MAPT: variants seen among roughly 807,000 people sequenced by gnomAD.
MAPT encodes microtubule-associated protein tau.
MAPT carries 34 observed loss-of-function variants against 67.9 expected under a neutral mutation model. The observed-to-expected ratio is 0.50, with a 90% confidence interval of 0.38 to 0.67. The LOEUF (loss-of-function observed/expected upper bound fraction) is 0.67, where lower values mean the gene tolerates loss of function less well. Ranked by LOEUF, MAPT falls within the 30% of genes least tolerant of loss-of-function variation. The probability of loss-of-function intolerance (pLI) is 0.00; values close to 1 mark genes in which losing one functional copy is unlikely to be tolerated. For missense variants in MAPT, 881 were observed against 1,115.2 expected (o/e 0.79, Z 2.99); for synonymous variants, 456 against 464.5 (o/e 0.98, Z 0.23).
chr17:45,941,438 T>C (rs535955128), intron 1 of MAPT, among the ~76,000 whole-genome samples: 1 of 152,190 alleles, frequency 6.6e-6, no homozygotes, highest in South Asian at 2.1e-4. Flanking sequence ...GGTCTCCCCT[T>C]TAATGACTCT....
intron 1 of MAPT, among the ~76,000 whole-genome samples, chr17:45,925,481 A>G (rs1216462793): frequency 6.6e-6 from 1 of 152,064 alleles, no homozygotes; most frequent in Non-Finnish European, 1.5e-5. Context: ...AAATATTACT[A>G]CTCTTTGACC....
chr17:45,938,248 AG>A lies in MAPT; in HGVS notation c.-17-24070del, dbSNP rs1220150331. 8.5e-4 allele frequency among the ~76,000 whole-genome samples: 129 copies of A among 152,312 alleles called. 2 individuals carry two copies. The highest frequency in any genetic ancestry group is 2.5e-3 in the African/African-American group (105 of 41,574). On this transcript the variant is annotated intron_variant, in intron 1 of 12. Transcript: ENST00000262410. The stretch of plus-strand genomic sequence containing the variant: ...TTGGCAAGGTTGCGGTCCTTTCTGG[AG>A]GGTCCAGGGGAGAATCCATTTTCTT...
At chr17:45,941,981 A>T (rs549461575) in intron 1 of MAPT, among the ~76,000 whole-genome samples, 2 of 152,090 alleles carry the variant, frequency 1.3e-5, no homozygotes, top group South Asian at 4.2e-4. Flanking sequence ...TGTGGGACAG[A>T]TCCTCAGTGG....
At position 45,995,266 on chromosome 17, in the gene MAPT, G is replaced by A. The variant is rs1050007932; in HGVS notation, c.1733-1133G>A. 6.6e-6 allele frequency among the ~76,000 whole-genome samples: 1 copy of A among 152,168 alleles called. No individual in the cohort carries two copies. Among genetic ancestry groups the A allele is most frequent in the Non-Finnish European group, 1.5e-5 (1 of 68,028 alleles). ...AGGAAAGCTAAGTTCTCAGACTGCA[G>A]GGGAGCTAAGCACACCTCGGCACAG... On this transcript the variant is annotated intron_variant, in intron 8 of 12. Coordinates refer to ENST00000262410, the MANE Select transcript of MAPT (RefSeq NM_001377265.1). The surrounding 1 kb of genome is among the most constrained non-coding windows in gnomAD (Gnocchi z 4.3).
At chr17:45,959,042 T>A (rs62063276) in intron 1 of MAPT, among the ~76,000 whole-genome samples, 1 of 152,136 alleles carries the variant, frequency 6.6e-6, no homozygotes, top group Non-Finnish European at 1.5e-5. Context: ...CAGCCTGGGC[T>A]ACAGAGCGAG....
At position 45,935,547 on chromosome 17, in the gene MAPT, T is replaced by C. The variant is rs553363046; in HGVS notation, c.-17-26774T>C. On this transcript the variant is annotated intron_variant, in intron 1 of 12. Transcript: ENST00000262410. ...CACCAGAGCCAAAACTCAGGATGCATGTGCTTCATCTGCTGCTTATTTCCA... is the reference window on the plus strand; with the variant it reads ...CACCAGAGCCAAAACTCAGGATGCACGTGCTTCATCTGCTGCTTATTTCCA... Among the ~76,000 whole-genome samples the C allele has an allele frequency of 7.9e-4, 121 of 152,288 alleles. 2 individuals are homozygous for C. The Middle Eastern group carries it at 0.014, about 17-fold the overall frequency.
intron 1 of MAPT, among the ~76,000 whole-genome samples, chr17:45,941,641 TCCTTCCCCCCTTCCAC>T (rs1275554029): frequency 3.0e-4 from 21 of 70,550 alleles, no homozygotes; most frequent in African/African-American, 6.2e-4. Context: ...CCTCTTTCCC[TCCTTCCCCCCTTCCAC>T]CCTTCCCCCC....
intron 1 of MAPT, among the ~76,000 whole-genome samples, chr17:45,933,176 A>G (rs540311450): frequency 7.5e-4 from 114 of 151,876 alleles, no homozygotes; most frequent in African/African-American, 2.6e-3. Flanking sequence ...GATTGCAGGC[A>G]CATGATGCTA....
intron 2 of MAPT, among the ~76,000 whole-genome samples, chr17:45,968,469 C>A (rs2071314842): frequency 6.6e-6 from 1 of 152,210 alleles, no homozygotes; most frequent in Non-Finnish European, 1.5e-5. Flanking sequence ...CATATCAGGG[C>A]TCTGTTCCCA....
In MAPT at chr17:45,996,358, C is replaced by T. The variant is rs1281298529; in HGVS notation, c.1733-41C>T. The T allele has an allele frequency of 6.2e-7, 1 of 1,604,492 alleles. No individual in the cohort carries two copies. The highest frequency in any genetic ancestry group is 8.5e-7 in the Non-Finnish European group (1 of 1,179,182). ...GCCCCCAGGGCCTTTTCTGACCCCA[C>T]CCACTCGAGTCCTGGCTTCACTCCC... On this transcript the variant is annotated intron_variant, in intron 8 of 12. Coordinates refer to ENST00000262410, the MANE Select transcript of MAPT (RefSeq NM_001377265.1). This position sits in a 1 kb window ranked among gnomAD's most constrained non-coding sequence, Gnocchi z 4.5.
chr17:45,988,886 A>AAAAC (rs72204658), intron 6 of MAPT, among the ~76,000 whole-genome samples: 7,519 of 152,026 alleles, frequency 0.049, 187 homozygotes, highest in Middle Eastern at 0.16. Flanking sequence ...CCCTGTCTCT[A>AAAAC]AAACAAACAA....
At chr17:45,903,714 C>CAAAAA (rs1222023338) in intron 1 of MAPT, among the ~76,000 whole-genome samples, 2 of 37,112 alleles carry the variant, frequency 5.4e-5, no homozygotes, top group Admixed American at 5.1e-4. Context: ...GACTTCTTCT[C>CAAAAA]AAAAAAAAAA....
In MAPT at chr17:45,971,961, G is replaced by C. The variant is rs2145468228; in HGVS notation, c.220+16G>C. On this transcript the variant is annotated intron_variant, in intron 3 of 12. Coordinates refer to ENST00000262410, the MANE Select transcript of MAPT (RefSeq NM_001377265.1). The surrounding 1 kb of genome is among the most constrained non-coding windows in gnomAD (Gnocchi z 4.3). ...ACAGCGGAAGGTGGGCCCCCCTTCA[G>C]ACGCCCCCTCCATGCCTCCAGCCTG... 6.2e-7 allele frequency: 1 copy of C among 1,605,170 alleles called. No individual in the cohort carries two copies. Among genetic ancestry groups the C allele is most frequent in the South Asian group, 1.1e-5 (1 of 90,828 alleles).
At chr17:45,945,518 G>A (rs541373415) in intron 1 of MAPT, among the ~76,000 whole-genome samples, 4 of 152,186 alleles carry the variant, frequency 2.6e-5, no homozygotes, top group Non-Finnish European at 5.9e-5. Context: ...TCAACCAAAA[G>A]ACAAAGCTTA....
At chr17:45,925,065 C>T (rs62059003) in intron 1 of MAPT, among the ~76,000 whole-genome samples, 21,807 of 152,250 alleles carry the variant, frequency 0.14, 2,137 homozygotes, top group Non-Finnish European at 0.22. Flanking sequence ...ACCCCACTGC[C>T]ACTGTCCCCT....
chr17:46,018,199 T>A (rs944078007), intron 11 of MAPT, among the ~76,000 whole-genome samples: 1 of 151,996 alleles, frequency 6.6e-6, no homozygotes, highest in Admixed American at 6.5e-5. Context: ...CAATGTATAT[T>A]TAGAGTAATT....
intron 1 of MAPT, among the ~76,000 whole-genome samples, chr17:45,909,603 G>A (rs2064600215): frequency 1.3e-5 from 2 of 152,136 alleles, no homozygotes; most frequent in Admixed American, 1.3e-4. Context: ...TGGGTGTGGT[G>A]GCTCATGCCT....
At chr17:46,001,886 G>A (rs1220803781) in intron 9 of MAPT, among the ~76,000 whole-genome samples, 4 of 152,176 alleles carry the variant, frequency 2.6e-5, no homozygotes, top group Non-Finnish European at 5.9e-5. Flanking sequence ...TGCAGGGGGA[G>A]CAGCCTGCAC....
At position 45,971,797 on chromosome 17, in the gene MAPT, G is replaced by A. The variant is rs2071704390; in HGVS notation, c.134-62G>A. On this transcript the variant is annotated intron_variant, in intron 2 of 12. Coordinates refer to ENST00000262410, the MANE Select transcript of MAPT (RefSeq NM_001377265.1). The surrounding 1 kb of genome is among the most constrained non-coding windows in gnomAD (Gnocchi z 4.3). ...AGGACACTGCTCCCCAGTTCCTCCT[G>A]AGAACAAAAGGGGGCGCTGGGGAGA... 8.2e-7 allele frequency: 1 copy of A among 1,212,224 alleles called. No homozygotes were observed. Among genetic ancestry groups the A allele is most frequent in the Non-Finnish European group, 1.2e-6 (1 of 814,636 alleles). The allele number at this position is 1,212,224 out of a possible 1,614,324, so 75.1% of individuals were successfully genotyped here.
Sources: allele counts gnomAD v4.1 joint callset (sites outside exome capture counted in the v4.1 genomes callset), GRCh38; gene constraint gnomAD v4.1.1; non-coding constraint Gnocchi (gnomAD v3.1); transcripts MANE v1.5; gene names NCBI Gene and HGNC (gene_info 2026-07-23, HGNC 2026-07-21).